SLC49A4: variants seen among roughly 807,000 people sequenced by gnomAD.
The protein encoded by SLC49A4 is disrupted in renal cancer protein 2.
Under a neutral mutation model 50.6 loss-of-function variants are expected in SLC49A4, and 36 were observed. The observed-to-expected ratio is 0.71, with a 90% CI of 0.55 to 0.94. The LOEUF (loss-of-function observed/expected upper bound fraction) is 0.94. Among genes scored for constraint, SLC49A4 ranks in the 40% least tolerant of loss-of-function variants. The pLI, the probability that SLC49A4 is intolerant of heterozygous loss-of-function variation, is 0.00. For missense variants in SLC49A4, 503 were observed against 605.7 expected (o/e 0.83, Z 1.78); for synonymous variants, 248 against 241.2 (o/e 1.03, Z -0.26).
chr3:122,817,143 G>C (rs1221522845), intron 2 of SLC49A4, among the ~76,000 whole-genome samples: 1 of 152,166 alleles, frequency 6.6e-6, no homozygotes, highest in African/African-American at 2.4e-5. Flanking sequence ...GTATTTATCT[G>C]ATCTCCACAT....
At chr3:122,796,439 A>C (rs938243461) in intron 1 of SLC49A4, among the ~76,000 whole-genome samples, 1 of 152,226 alleles carries the variant, frequency 6.6e-6, no homozygotes, top group African/African-American at 2.4e-5. Flanking sequence ...CTATAACAAA[A>C]TACCATAAAC....
chr3:122,825,175 A>G (rs916272655), intron 2 of SLC49A4, among the ~76,000 whole-genome samples: 1 of 152,200 alleles, frequency 6.6e-6, no homozygotes, highest in African/African-American at 2.4e-5. Context: ...CTAATACCTC[A>G]TTAAAAGTAT....
At chr3:122,834,574 A>C (rs1936651392) in intron 4 of SLC49A4, among the ~76,000 whole-genome samples, 1 of 152,174 alleles carries the variant, frequency 6.6e-6, no homozygotes, top group Admixed American at 6.6e-5. Flanking sequence ...CGCTAAGAGG[A>C]AAGTTTATAG....
chr3:122,835,540 G>A (rs1471488839), intron 4 of SLC49A4, among the ~76,000 whole-genome samples: 1 of 151,680 alleles, frequency 6.6e-6, no homozygotes, highest in East Asian at 1.9e-4. Flanking sequence ...TGCAGAAAAG[G>A]CATTCAGTAG....
chr3:122,817,053 T>G (rs1049000064), intron 2 of SLC49A4, among the ~76,000 whole-genome samples: 3 of 152,208 alleles, frequency 2.0e-5, no homozygotes, highest in African/African-American at 7.2e-5. Flanking sequence ...CCATTTTGTA[T>G]CCTCATGTCA....
intron 7 of SLC49A4, among the ~76,000 whole-genome samples, chr3:122,868,120 A>G (rs912850767): frequency 1.3e-5 from 2 of 152,114 alleles, no homozygotes; most frequent in African/African-American, 4.8e-5. Context: ...GTCTCCAAAA[A>G]AAAAAAAAAA....
intron 8 of SLC49A4, among the ~76,000 whole-genome samples, chr3:122,874,663 G>T (rs12054476): frequency 0.27 from 40,754 of 152,108 alleles, 6,937 homozygotes; most frequent in Non-Finnish European, 0.39. Context: ...TGGGTATATT[G>T]CATGACAATG....
At chr3:122,798,634 C>CTTTTTTTTTT (rs71136594) in intron 1 of SLC49A4, among the ~76,000 whole-genome samples, 2 of 62,828 alleles carry the variant, frequency 3.2e-5, no homozygotes, top group Non-Finnish European at 5.5e-5. Context: ...ACTAAAATAT[C>CTTTTTTTTTT]TTTTTTTTTT....
At chr3:122,795,730 C>G (rs1273561653) in intron 1 of SLC49A4, among the ~76,000 whole-genome samples, 195 bp downstream of exon 1, 1 of 152,208 alleles carries the variant, frequency 6.6e-6, no homozygotes. Context: ...GGCAACCTTG[C>G]AAATATTTAT....
At chr3:122,823,733 A>G (rs148353458) in intron 2 of SLC49A4, among the ~76,000 whole-genome samples, 2 of 152,360 alleles carry the variant, frequency 1.3e-5, no homozygotes, top group African/African-American at 4.8e-5. Flanking sequence ...GAAAAAATGT[A>G]TCTCTAATTT....
At chr3:122,800,659 G>C (rs1227107611) in intron 1 of SLC49A4, among the ~76,000 whole-genome samples, 2 of 152,218 alleles carry the variant, frequency 1.3e-5, no homozygotes, top group Admixed American at 1.3e-4. Flanking sequence ...CCAGGGCACA[G>C]GTAGACAAGT....
intron 3 of SLC49A4, among the ~76,000 whole-genome samples, chr3:122,829,086 G>C (rs1218668332): frequency 6.6e-6 from 1 of 152,168 alleles, no homozygotes; most frequent in East Asian, 1.9e-4. Context: ...ATTTTAAAAA[G>C]TTAGAGATTC....
intron 2 of SLC49A4, among the ~76,000 whole-genome samples, chr3:122,818,759 CA>C (rs906235425): frequency 1.3e-5 from 2 of 152,046 alleles, no homozygotes; most frequent in African/African-American, 4.8e-5. Context: ...GCCTGGCTAA[CA>C]TGGTGAAACC....
rs764800886 is a variant in SLC49A4, at chr3:122,826,875, G to A, written c.513G>A (p.Thr171=). 3.4e-5 allele frequency: 55 copies of A among 1,614,102 alleles called. 1 individual carries two copies. In the Middle Eastern group the frequency reaches 8.2e-4, roughly 24 times the overall value. ...TGAATGCAGCACCATTTCTCTCTACGACGTGGTTTTCTGCAGATGAAAGGG... is the reference window on the plus strand; with the variant it reads ...TGAATGCAGCACCATTTCTCTCTACAACGTGGTTTTCTGCAGATGAAAGGG... The part of the protein sequence containing the change: ...TVMNAAPFLS[T]TWFSADERAT... The change falls in exon 3 of 9, where the codon ACG becomes ACA. Residue 171 remains threonine (T), a synonymous_variant. Coordinates refer to ENST00000261038, the MANE Select transcript of SLC49A4 (RefSeq NM_032839.3).
intron 4 of SLC49A4, among the ~76,000 whole-genome samples, chr3:122,839,486 G>A (rs536688407): frequency 3.3e-5 from 5 of 152,026 alleles, no homozygotes; most frequent in Admixed American, 2.0e-4. Context: ...TGCAAACTCT[G>A]TATCTGACAG....
At position 122,826,887 on chromosome 3, in the gene SLC49A4, T is replaced by A. The variant is rs750767237; in HGVS notation, c.525T>A (p.Ser175=). ...AAPFLSTTWF[S]ADERATATAI... is the part of the protein sequence containing the mutation. Reference sequence around the variant, plus strand: ...CATTTCTCTCTACGACGTGGTTTTCTGCAGATGAAAGGGCCACAGCCACAG... The same window carrying A: ...CATTTCTCTCTACGACGTGGTTTTCAGCAGATGAAAGGGCCACAGCCACAG... Residue 175 remains serine, a synonymous_variant, in exon 3 of 9, where the codon TCT becomes TCA. Transcript: ENST00000261038. 12 of 1,614,120 alleles carry A rather than the reference T, an allele frequency of 7.4e-6. No homozygotes were observed. The East Asian group carries it at 2.2e-4, about 30-fold the overall frequency.
chr3:122,803,719 G>A (rs374388727), intron 1 of SLC49A4, among the ~76,000 whole-genome samples: 1 of 152,156 alleles, frequency 6.6e-6, no homozygotes, highest in Admixed American at 6.5e-5. Context: ...TGTGGGTTGT[G>A]GGGGAGGGAT....
At chr3:122,843,888 A>G (rs1936813935) in intron 4 of SLC49A4, among the ~76,000 whole-genome samples, 1 of 152,084 alleles carries the variant, frequency 6.6e-6, no homozygotes, top group Admixed American at 6.6e-5. Flanking sequence ...TGATGTTAGC[A>G]CTCTGTTTCA....
intron 5 of SLC49A4, among the ~76,000 whole-genome samples, chr3:122,848,107 G>A (rs1936881188): frequency 6.6e-6 from 1 of 152,226 alleles, no homozygotes; most frequent in South Asian, 2.1e-4. Flanking sequence ...CTGTTGGACA[G>A]TGCTGTTCTG....
Sources: allele counts gnomAD v4.1 joint callset (sites outside exome capture counted in the v4.1 genomes callset), GRCh38; gene constraint gnomAD v4.1.1; transcripts MANE v1.5; gene names NCBI Gene and HGNC (gene_info 2026-07-23, HGNC 2026-07-21).